The following FGFR4 variants were observed in gnomAD, a reference collection of about 807,000 sequenced individuals.
The protein encoded by FGFR4 is hydroxyaryl-protein kinase.
Under a neutral mutation model 89.9 loss-of-function variants are expected in FGFR4, and 63 were observed. The ratio of observed to expected loss-of-function variants is 0.70; its 90% CI spans 0.57 to 0.86. FGFR4 has a LOEUF of 0.86. FGFR4 is among the 40% of genes least tolerant of loss of function. FGFR4 has a pLI of 0.00. For missense variants in FGFR4, 928 were observed against 1,106.7 expected (o/e 0.84, Z 2.29); for synonymous variants, 486 against 479.4 (o/e 1.01, Z -0.18).
intron 16 of FGFR4, 189 bp from the exon 17 acceptor site, chr5:177,097,101 TGC>T: frequency 1.2e-5 from 2 of 163,868 alleles, no homozygotes; most frequent in Non-Finnish European, 9.9e-6. Context: ...CTCCTCCTCC[TGC>T]TCCTCTTCCT....
chr5:177,091,656 G>T, intron 5 of FGFR4, 29 bp from the exon 6 acceptor site: 1 of 1,612,800 alleles, frequency 6.2e-7, no homozygotes, highest in South Asian at 1.1e-5. Context: ...ACATGGTCCG[G>T]TGGTCCCGGA....
Position 177,097,527 on chromosome 5 carries a change from T to A in FGFR4, c.2260T>A (p.Tyr754Asn), listed in dbSNP as rs764009243. ...GGCTGACCAGCTCCGTTCCCCACAG[T>A]ACCTCGACCTCCGCCTGACCTTCGG... ...DKVLLAVSEE[Y>N]LDLRLTFGPY... The change falls in exon 18 of 18, where the codon TAC becomes AAC. Residue 754 changes from tyrosine to asparagine, a missense_variant and splice_region_variant. Coordinates refer to ENST00000292408, the MANE Select transcript of FGFR4 (RefSeq NM_213647.3). 6.2e-7 allele frequency: 1 copy of A among 1,612,610 alleles called. No individual in the cohort carries two copies. The highest frequency in any genetic ancestry group is 1.3e-5 in the African/African-American group (1 of 74,954).
chr5:177,094,309 G>C (rs1784472741), intron 11 of FGFR4, among the ~76,000 whole-genome samples: 1 of 152,128 alleles, frequency 6.6e-6, no homozygotes, highest in Non-Finnish European at 1.5e-5. Context: ...CCTACTCCCA[G>C]CCCAAGGATT....
At position 177,093,294 on chromosome 5, in the gene FGFR4, C is replaced by T; in HGVS notation, c.1214C>T (p.Thr405Ile). 1 of 1,613,404 alleles carries T rather than the reference C, an allele frequency of 6.2e-7. No homozygotes were observed. The highest frequency in any genetic ancestry group is 8.5e-7 in the Non-Finnish European group (1 of 1,179,472). The part of the protein sequence containing the change: ...LHGRHPRPPA[T>I]VQKLSRFPLA... ...GGCCGGCACCCCCGCCCGCCCGCCACTGTGCAGAAGCTCTCCCGCTTCCCT... is the reference window on the plus strand; with the variant it reads ...GGCCGGCACCCCCGCCCGCCCGCCATTGTGCAGAAGCTCTCCCGCTTCCCT... The change falls in exon 9 of 18, where the codon ACT becomes ATT. Residue 405 changes from threonine to isoleucine, a missense_variant. By Grantham distance (89) the Thr-to-Ile change is moderately conservative. This residue lies in a region of FGFR4 where 741 missense variants were observed against 836.9 expected (regional missense o/e 0.89). Coordinates refer to ENST00000292408, the MANE Select transcript of FGFR4 (RefSeq NM_213647.3). This position sits in a 1 kb window ranked among gnomAD's most constrained non-coding sequence, Gnocchi z 5.8.
In FGFR4 at chr5:177,096,323, T is replaced by G; in HGVS notation, c.1981T>G (p.Leu661Val). Residue 661 changes from leucine to valine, a missense_variant, in exon 15 of 18, where the codon TTG (leucine) becomes GTG (valine). Physicochemically the swap from Leu to Val is conservative, Grantham distance 32 (BLOSUM62 1). Around this residue, in one of 5 missense-constraint regions of FGFR4, gnomAD observed 27 missense variants for 64.4 expected, o/e 0.42. Coordinates refer to ENST00000292408, the MANE Select transcript of FGFR4 (RefSeq NM_213647.3). ...LPVKWMAPEA[L>V]FDRVYTHQSD... ...TGTGAAGTGGATGGCGCCCGAGGCC[T>G]TGTTTGACCGGGTGTACACACACCA... 2.5e-6 allele frequency: 4 copies of G among 1,614,036 alleles called. No individual in the cohort carries two copies. Among genetic ancestry groups the G allele is most frequent in the Non-Finnish European group, 3.4e-6 (4 of 1,180,000 alleles).
intron 2 of FGFR4, 27 bp from the exon 3 acceptor site, chr5:177,090,363 C>T (rs1426843190): frequency 6.3e-7 from 1 of 1,599,690 alleles, no homozygotes. Flanking sequence ...GCTGCGGGGT[C>T]TGCTGACCTC....
intron 2 of FGFR4, chr5:177,089,965 T>C (rs1001742866): frequency 5.6e-5 from 38 of 682,078 alleles, no homozygotes; most frequent in Non-Finnish European, 9.1e-5. Flanking sequence ...TGGGTGTGTG[T>C]GCGTGTGTGT....
In FGFR4 at chr5:177,095,696, A is replaced by G; in HGVS notation, c.1794A>G (p.Arg598=). The G allele has an allele frequency of 6.2e-7, 1 of 1,608,406 alleles. No individual in the cohort carries two copies. Among genetic ancestry groups the G allele is most frequent in the Non-Finnish European group, 8.5e-7 (1 of 1,178,694 alleles). The change falls in exon 13 of 18, where the codon CGA becomes CGG. Residue 598 remains arginine (R), a synonymous_variant. Coordinates refer to ENST00000292408, the MANE Select transcript of FGFR4 (RefSeq NM_213647.3). This position sits in a 1 kb window ranked among gnomAD's most constrained non-coding sequence, Gnocchi z 5.7. ...TCTCCTGCGCCTACCAGGTGGCCCGAGGCATGCAGTATCTGGAGTCCCGGA... is the reference window on the plus strand; with the variant it reads ...TCTCCTGCGCCTACCAGGTGGCCCGGGGCATGCAGTATCTGGAGTCCCGGA... ...VLVSCAYQVA[R]GMQYLESRKC... is the part of the protein sequence containing the mutation.
rs368118547 is a variant in FGFR4, at chr5:177,095,624, C to T, written c.1722C>T (p.Pro574=). ...ARRPPGPDLS[P]DGPRSSEGPL... is the part of the protein sequence containing the mutation. ...GCCCCCCAGGCCCCGACCTCAGCCC[C>T]GACGGTCCTCGGAGCAGTGAGGGGC... The change falls in exon 13 of 18, where the codon CCC becomes CCT. Residue 574 remains proline (P), a synonymous_variant. Coordinates refer to ENST00000292408, the MANE Select transcript of FGFR4 (RefSeq NM_213647.3). This position sits in a 1 kb window ranked among gnomAD's most constrained non-coding sequence, Gnocchi z 5.7. 1.9e-5 allele frequency: 30 copies of T among 1,605,066 alleles called. No homozygotes were observed. Among genetic ancestry groups the T allele is most frequent in the Middle Eastern group, 4.4e-4 (2 of 4,596 alleles).
rs1346034118 is a variant in FGFR4, at chr5:177,093,726, C to T, written c.1470C>T (p.Asp490=). 1 of 1,613,964 alleles carries T rather than the reference C, an allele frequency of 6.2e-7. No homozygotes were observed. The highest frequency in any genetic ancestry group is 1.1e-5 in the South Asian group (1 of 91,078). Residue 490 remains aspartate (D), a synonymous_variant, in exon 11 of 18, where the codon GAC becomes GAT. Transcript: ENST00000292408. The surrounding 1 kb of genome is among the most constrained non-coding windows in gnomAD (Gnocchi z 5.8). The part of the protein sequence containing the change: ...QVVRAEAFGM[D]PARPDQASTV... Reference sequence around the variant, plus strand: ...TACGTGCAGAGGCCTTTGGCATGGACCCTGCCCGGCCTGACCAAGCCAGCA... The same window carrying T: ...TACGTGCAGAGGCCTTTGGCATGGATCCTGCCCGGCCTGACCAAGCCAGCA...
At chr5:177,096,895 C>T (rs1784596493) in intron 16 of FGFR4, among the ~76,000 whole-genome samples, 154 bp downstream of exon 16, 1 of 140,358 alleles carries the variant, frequency 7.1e-6, no homozygotes, top group Non-Finnish European at 1.5e-5. Context: ...TCCTCTTCCT[C>T]CTCCTCCTCT....
Position 177,091,072 on chromosome 5 carries a change from T to C in FGFR4, c.571T>C (p.Phe191Leu). 6.3e-7 allele frequency: 1 copy of C among 1,596,128 alleles called. No homozygotes were observed. Among genetic ancestry groups the C allele is most frequent in the Non-Finnish European group, 8.6e-7 (1 of 1,165,728 alleles). ...TIRWLKDGQA[F>L]HGENRIGGIR... ...CCGCTGGCTTAAGGATGGACAGGCC[T>C]TTCATGGGGAGAACCGCATTGGAGG... Residue 191 changes from phenylalanine (F) to leucine (L), a missense_variant, in exon 5 of 18, where the codon TTT becomes CTT. Coordinates refer to ENST00000292408, the MANE Select transcript of FGFR4 (RefSeq NM_213647.3).
chr5:177,088,388 G>C (rs1410471664), intron 1 of FGFR4: 2 of 194,628 alleles, frequency 1.0e-5, no homozygotes, highest in Non-Finnish European at 2.1e-5. Flanking sequence ...GGAAGATGAA[G>C]GTTGAAGAGC....
Position 177,097,320 on chromosome 5 carries a change from G to T in FGFR4, c.2182G>T (p.Ala728Ser). The T allele has an allele frequency of 6.2e-7, 1 of 1,609,452 alleles. No homozygotes were observed. The highest frequency in any genetic ancestry group is 8.5e-7 in the Non-Finnish European group (1 of 1,178,496). The change falls in exon 17 of 18, where the codon GCA (alanine) becomes TCA (serine). Residue 728 changes from alanine to serine, a missense_variant. Transcript: ENST00000292408. ...LYGLMRECWH[A>S]APSQRPTFKQ... ...CGGGCTGATGCGTGAGTGCTGGCACGCAGCGCCCTCCCAGAGGCCTACCTT... is the reference window on the plus strand; with the variant it reads ...CGGGCTGATGCGTGAGTGCTGGCACTCAGCGCCCTCCCAGAGGCCTACCTT...
rs1288478147 is a variant in FGFR4 at position 177,093,011 on chromosome 5, T to C, written c.1058-127T>C. On this transcript the variant is annotated intron_variant, in intron 8 of 17. Coordinates refer to ENST00000292408, the MANE Select transcript of FGFR4 (RefSeq NM_213647.3). The surrounding 1 kb of genome is among the most constrained non-coding windows in gnomAD (Gnocchi z 5.8). ...GTGGGTGCCTGGGACTGGGCATAAC[T>C]ACAGCTTCCTCCGTGTGTGTCCCCA... The C allele has an allele frequency of 7.2e-7, 1 of 1,386,018 alleles. No homozygotes were observed. The highest frequency in any genetic ancestry group is 1.0e-6 in the Non-Finnish European group (1 of 994,124). The allele number at this position is 1,386,018 out of a possible 1,614,324, so 85.9% of individuals were successfully genotyped here. A position where few individuals can be genotyped will look rare whatever the true frequency, so the allele number is the denominator to read the frequency against.
In FGFR4 at chr5:177,096,874, C is replaced by T. The variant is rs555287235; in HGVS notation, c.2153+133C>T. The T allele has an allele frequency of 6.5e-3, 6,183 of 948,042 alleles. 116 individuals are homozygous for T. Among genetic ancestry groups the T allele is most frequent in the South Asian group, 0.041 (2,384 of 58,520 alleles). The allele number at this position is 948,042 out of a possible 1,614,324, so 58.7% of individuals were successfully genotyped here. A position where few individuals can be genotyped will look rare whatever the true frequency, so the allele number is the denominator to read the frequency against. ...TCCTCGTCCTCCTCCTCCTCTTCCTCTTCCTCCTCCTCCTCTTCCTCCTCC... is the reference window on the plus strand; with the variant it reads ...TCCTCGTCCTCCTCCTCCTCTTCCTTTTCCTCCTCCTCCTCTTCCTCCTCC... On this transcript the variant is annotated intron_variant, in intron 16 of 17. Coordinates refer to ENST00000292408, the MANE Select transcript of FGFR4 (RefSeq NM_213647.3).
rs446382 is a variant in FGFR4 at position 177,090,460 on chromosome 5, T to G, written c.162T>G (p.Arg54=). The part of the protein sequence containing the change: ...ELTVALGQPV[R]LCCGRAERGG... ...CAGTAGCCCTTGGGCAGCCTGTGCG[T>G]CTGTGCTGTGGGCGGGCTGAGCGTG... The change falls in exon 3 of 18, where the codon CGT becomes CGG. Residue 54 remains arginine (R), a synonymous_variant. Transcript: ENST00000292408. 0.74 allele frequency: 1,186,279 copies of G among 1,602,806 alleles called. 443,046 individuals carry two copies. Among genetic ancestry groups the G allele is most frequent in the East Asian group, 0.98 (43,812 of 44,800 alleles).
At chr5:177,089,967 C>CGT (rs376782192) in intron 2 of FGFR4, 16 of 623,896 alleles carry the variant, frequency 2.6e-5, no homozygotes, top group East Asian at 1.2e-4. Context: ...GGTGTGTGTG[C>CGT]GTGTGTGTGT....
Position 177,093,346 on chromosome 5 carries a change from C to T in FGFR4, c.1251+15C>T, listed in dbSNP as rs764168979. Reference sequence around the variant, plus strand: ...TGGCCCGACAGGTACTGGGCGCATCCCCCACCTCACATGTGACAGCCTGAC... The same window carrying T: ...TGGCCCGACAGGTACTGGGCGCATCTCCCACCTCACATGTGACAGCCTGAC... On this transcript the variant is annotated intron_variant, in intron 9 of 17. Transcript: ENST00000292408. The surrounding 1 kb of genome is among the most constrained non-coding windows in gnomAD (Gnocchi z 5.8). 2.5e-6 allele frequency: 4 copies of T among 1,613,910 alleles called. No homozygotes were observed. The African/African-American group carries it at 5.3e-5, about 22-fold the overall frequency.
Sources: gnomAD v4.1 joint callset for allele counts (sites outside exome capture counted in the v4.1 genomes callset) on GRCh38, gnomAD v4.1.1 for gene constraint, gnomAD v4.1.1 regional missense constraint, Gnocchi (gnomAD v3.1) non-coding constraint, MANE v1.5 for transcripts, NCBI Gene and HGNC (gene_info 2026-07-23, HGNC 2026-07-21) for gene names.